ANKS1B: variants seen among roughly 807,000 people sequenced by gnomAD.
ANKS1B encodes ankyrin repeat and sterile alpha motif domain containing 1B, also known as ankyrin repeat and sterile alpha motif domain-containing protein 1B.
ANKS1B carries 36 observed loss-of-function variants against 148.3 expected under a neutral mutation model. The observed-to-expected ratio is 0.24, with a 90% CI of 0.19 to 0.32. The LOEUF (loss-of-function observed/expected upper bound fraction) is 0.32, where lower values mean the gene tolerates loss of function less well. Ranked by LOEUF, ANKS1B falls within the 10% of genes least tolerant of loss-of-function variation. ANKS1B has a pLI of 1.00. For synonymous variants in ANKS1B, 542 were observed against 560.8 expected (o/e 0.97, Z 0.47); for missense variants, 1,157 against 1,542.6 (o/e 0.75, Z 4.19).
rs865849789 is a variant in ANKS1B at position 99,975,122 on chromosome 12, C to T, written c.134+8982G>A. Among the ~76,000 whole-genome samples the T allele has an allele frequency of 2.0e-5, 3 of 149,372 alleles. 1 individual carries two copies. The highest frequency in any genetic ancestry group is 6.9e-3 in the Middle Eastern group (2 of 290). On this transcript the variant is annotated intron_variant, in intron 1 of 26. Coordinates refer to ENST00000683438, the MANE Select transcript of ANKS1B (RefSeq NM_001352186.2). The stretch of plus-strand genomic sequence containing the variant: ...AAGCTGTGATTGCACCACAGCACCC[C>T]GGCCTGGGTGACAGAGTGAGAACTT...
intron 14 of ANKS1B, among the ~76,000 whole-genome samples, chr12:99,208,362 G>C (rs1242782384): frequency 6.6e-6 from 1 of 152,006 alleles, no homozygotes; most frequent in Non-Finnish European, 1.5e-5. Flanking sequence ...TAAACCATTT[G>C]ACATTTTTTA....
At chr12:99,343,549 G>C (rs1031642097) in intron 12 of ANKS1B, among the ~76,000 whole-genome samples, 26 of 151,760 alleles carry the variant, frequency 1.7e-4, no homozygotes, top group African/African-American at 4.4e-4. Flanking sequence ...CTTAATTATT[G>C]CTCTCCTCTC....
chr12:99,949,879 A>G (rs2153821978), intron 1 of ANKS1B, among the ~76,000 whole-genome samples: 2 of 147,086 alleles, frequency 1.4e-5, no homozygotes, highest in Non-Finnish European at 3.0e-5. Context: ...CAAGACCTAA[A>G]ATATTTACTT....
chr12:99,417,086 T>C (rs2094931496), intron 11 of ANKS1B, among the ~76,000 whole-genome samples: 1 of 152,248 alleles, frequency 6.6e-6, no homozygotes, highest in African/African-American at 2.4e-5. Context: ...ATCAGGACAA[T>C]TTATTTTTTT....
At chr12:99,095,959 T>C (rs1256750885) in intron 15 of ANKS1B, among the ~76,000 whole-genome samples, 2 of 152,222 alleles carry the variant, frequency 1.3e-5, no homozygotes, top group Non-Finnish European at 1.5e-5. Flanking sequence ...AAAGTGCTCA[T>C]GGGACTAACA....
chr12:99,844,454 A>T (rs944053314), intron 1 of ANKS1B, among the ~76,000 whole-genome samples: 1 of 152,180 alleles, frequency 6.6e-6, no homozygotes, highest in South Asian at 2.1e-4. Flanking sequence ...AATTTTCTGC[A>T]TATAGCTAGC....
chr12:99,505,610 A>C (rs912927902), intron 9 of ANKS1B, among the ~76,000 whole-genome samples: 1 of 148,442 alleles, frequency 6.7e-6, no homozygotes, highest in Non-Finnish European at 1.5e-5. Flanking sequence ...TATATGTAGA[A>C]TATATATAGC....
intron 17 of ANKS1B, among the ~76,000 whole-genome samples, chr12:99,001,192 G>A (rs1244829681): frequency 6.6e-6 from 1 of 151,968 alleles, no homozygotes; most frequent in East Asian, 1.9e-4. Flanking sequence ...TGGAGTGGTG[G>A]CGCCATCTCG....
chr12:99,763,323 A>T (rs1048889667), intron 8 of ANKS1B, among the ~76,000 whole-genome samples: 2 of 152,218 alleles, frequency 1.3e-5, no homozygotes, highest in Non-Finnish European at 1.5e-5. Context: ...AAAAAGAATA[A>T]AACTGTGTCC....
intron 16 of ANKS1B, among the ~76,000 whole-genome samples, chr12:99,054,451 T>G (rs1193788677): frequency 2.6e-5 from 4 of 152,202 alleles, no homozygotes; most frequent in Admixed American, 1.3e-4. Context: ...AGATTCTCCC[T>G]ACTCCTTCAT....
At chr12:99,910,833 A>G (rs747641049) in intron 1 of ANKS1B, among the ~76,000 whole-genome samples, 1 of 152,196 alleles carries the variant, frequency 6.6e-6, no homozygotes, top group Non-Finnish European at 1.5e-5. Context: ...CCTGCAGTTT[A>G]TCCACTGAAA....
At chr12:99,522,726 A>G (rs2096887211) in intron 9 of ANKS1B, among the ~76,000 whole-genome samples, 1 of 152,262 alleles carries the variant, frequency 6.6e-6, no homozygotes, top group South Asian at 2.1e-4. Flanking sequence ...TCAGACTGTA[A>G]CATGCCAGTT....
At chr12:99,715,220 T>C (rs2057152142) in intron 8 of ANKS1B, among the ~76,000 whole-genome samples, 1 of 152,210 alleles carries the variant, frequency 6.6e-6, no homozygotes, top group African/African-American at 2.4e-5. Context: ...TCATATCCCC[T>C]GTAACCTGCA....
chr12:98,906,820 C>G (rs954730315), intron 17 of ANKS1B, among the ~76,000 whole-genome samples: 1 of 152,116 alleles, frequency 6.6e-6, no homozygotes, highest in South Asian at 2.1e-4. Flanking sequence ...CTTTCATATT[C>G]ATTTGTTTTT....
chr12:99,140,186 G>A (rs2070132549), intron 15 of ANKS1B, among the ~76,000 whole-genome samples: 1 of 152,160 alleles, frequency 6.6e-6, no homozygotes, highest in Non-Finnish European at 1.5e-5. Context: ...GTCCATGGAA[G>A]TCCCACAGTA....
intron 17 of ANKS1B, among the ~76,000 whole-genome samples, chr12:98,979,521 T>TC (rs1372634209): frequency 2.6e-5 from 4 of 152,130 alleles, no homozygotes; most frequent in African/African-American, 7.2e-5. Context: ...TCCACCCGCC[T>TC]CGGCCTCCCA....
chr12:99,006,234 T>G (rs776481439), intron 17 of ANKS1B, among the ~76,000 whole-genome samples: 46 of 152,192 alleles, frequency 3.0e-4, no homozygotes, highest in Non-Finnish European at 5.1e-4. Context: ...CTATGCCGAG[T>G]GAAGACTTGT....
At chr12:99,340,278 A>G (rs1246415026) in intron 12 of ANKS1B, among the ~76,000 whole-genome samples, 1 of 152,164 alleles carries the variant, frequency 6.6e-6, no homozygotes, top group Non-Finnish European at 1.5e-5. Flanking sequence ...GCTCTCAGTG[A>G]ACTGCTGATC....
At chr12:99,135,343 A>G (rs2067653830) in intron 15 of ANKS1B, among the ~76,000 whole-genome samples, 1 of 152,206 alleles carries the variant, frequency 6.6e-6, no homozygotes, top group South Asian at 2.1e-4. Flanking sequence ...AAACGAAGAG[A>G]TAGATAGAAA....
Sources: gnomAD v4.1 joint callset for allele counts (sites outside exome capture counted in the v4.1 genomes callset) on GRCh38, gnomAD v4.1.1 for gene constraint, MANE v1.5 for transcripts, NCBI Gene and HGNC (gene_info 2026-07-23, HGNC 2026-07-21) for gene names.